URB1: variants seen among roughly 807,000 people sequenced by gnomAD.
URB1 encodes URB1 ribosome biogenesis factor.
Under a neutral mutation model 242.3 loss-of-function variants are expected in URB1, and 197 were observed. That is an observed-to-expected ratio of 0.81 (90% CI 0.72 to 0.91). URB1 has a LOEUF of 0.91. URB1 is among the 40% of genes least tolerant of loss of function. The probability of loss-of-function intolerance (pLI) is 0.00; values close to 1 mark genes in which losing one functional copy is unlikely to be tolerated. For missense variants in URB1, 2,721 were observed against 2,860.5 expected (o/e 0.95, Z 1.11); for synonymous variants, 1,153 against 1,201.8 (o/e 0.96, Z 0.84).
rs532353015 is a variant in URB1, at chr21:32,376,644, T to C, written c.665-1161A>G. ...TTGAAATCATTAAGTGCAGCATGTT[T>C]TTTTTCTTTTTGAGACAGGGCCTCC... On this transcript the variant is annotated intron_variant, in intron 5 of 38. Coordinates refer to ENST00000382751, the MANE Select transcript of URB1 (RefSeq NM_014825.3). 1.6e-3 allele frequency among the ~76,000 whole-genome samples: 245 copies of C among 152,260 alleles called. 1 individual carries two copies. Among genetic ancestry groups the C allele is most frequent in the African/African-American group, 5.4e-3 (226 of 41,548 alleles).
intron 18 of URB1, 92 bp from the exon 19 acceptor site, chr21:32,352,998 A>G (rs2033175899): frequency 7.3e-7 from 1 of 1,364,822 alleles, no homozygotes; most frequent in East Asian, 2.5e-5. Flanking sequence ...TACAGGCAAG[A>G]CCCTGAAAAA....
intron 37 of URB1, among the ~76,000 whole-genome samples, 167 bp downstream of exon 37, chr21:32,317,507 ACT>A (rs2032706265): frequency 6.6e-6 from 1 of 152,170 alleles, no homozygotes; most frequent in Non-Finnish European, 1.5e-5. Context: ...CTGGGCTGAA[ACT>A]CAAAGGCTGC....
At chr21:32,371,397 T>C (rs2033404434) in intron 8 of URB1, among the ~76,000 whole-genome samples, 1 of 152,150 alleles carries the variant, frequency 6.6e-6, no homozygotes, top group African/African-American at 2.4e-5. Context: ...AAAAATGCTT[T>C]AAAAAGGGGG....
intron 23 of URB1, 113 bp downstream of exon 23, chr21:32,345,261 T>C: frequency 2.5e-6 from 3 of 1,188,750 alleles, no homozygotes; most frequent in Non-Finnish European, 3.6e-6. Context: ...AACTGCCTGA[T>C]CACAGATGGG....
Position 32,361,879 on chromosome 21 carries a change from C to T in URB1, c.1639+13G>A. On this transcript the variant is annotated intron_variant, in intron 12 of 38. Coordinates refer to ENST00000382751, the MANE Select transcript of URB1 (RefSeq NM_014825.3). ...CAAAAGGCAGAGGGTCCCCCTCACCCCTGAGACCTTACCGCACTGGTGAGC... is the reference window on the plus strand; with the variant it reads ...CAAAAGGCAGAGGGTCCCCCTCACCTCTGAGACCTTACCGCACTGGTGAGC... The T allele has an allele frequency of 6.5e-7, 1 of 1,550,356 alleles. No individual in the cohort carries two copies. Among genetic ancestry groups the T allele is most frequent in the Non-Finnish European group, 8.7e-7 (1 of 1,146,628 alleles).
chr21:32,349,663 G>A (rs2033134251), intron 20 of URB1, among the ~76,000 whole-genome samples, 180 bp from the exon 21 acceptor site: 1 of 152,210 alleles, frequency 6.6e-6, no homozygotes, highest in Middle Eastern at 3.2e-3. Context: ...TAAGAGATGT[G>A]TCTTCCTAAG....
intron 5 of URB1, chr21:32,377,104 TA>T: frequency 2.0e-6 from 1 of 496,012 alleles, no homozygotes; most frequent in Non-Finnish European, 4.0e-6. Context: ...CTCACATCTT[TA>T]ATTATTTCAC....
In URB1 at chr21:32,311,933, C is replaced by T. The variant is rs766368326; in HGVS notation, c.*2985G>A. On this transcript the variant is annotated 3_prime_UTR_variant, in exon 39 of 39. Transcript: ENST00000382751. ...GGGAACTGACCCTCAATGGGGGTCC[C>T]CTCGTCAGGAGCAAGCCCAGCGAGC... 4 of 1,613,710 alleles carry T rather than the reference C, an allele frequency of 2.5e-6. No individual in the cohort carries two copies. Among genetic ancestry groups the T allele is most frequent in the Non-Finnish European group, 3.4e-6 (4 of 1,180,030 alleles).
chr21:32,350,626 T>C, intron 20 of URB1, 78 bp downstream of exon 20: 1 of 1,477,194 alleles, frequency 6.8e-7, no homozygotes. Context: ...TGTGCTGGGC[T>C]GTGGGCCCGA....
intron 12 of URB1, 114 bp downstream of exon 12, chr21:32,361,778 G>T: frequency 7.2e-7 from 1 of 1,395,680 alleles, no homozygotes; most frequent in Non-Finnish European, 9.5e-7. Context: ...AGCCAGAGGT[G>T]CCTTGAAACA....
chr21:32,345,240 G>A (rs1282053605), intron 23 of URB1, 134 bp downstream of exon 23: 1 of 989,596 alleles, frequency 1.0e-6, no homozygotes, highest in Non-Finnish European at 1.5e-6. Flanking sequence ...TGGAAGTAGA[G>A]TTCTCATAGG....
At chr21:32,359,193 T>C (rs1167693176) in intron 14 of URB1, among the ~76,000 whole-genome samples, 1 of 152,202 alleles carries the variant, frequency 6.6e-6, no homozygotes, top group African/African-American at 2.4e-5. Flanking sequence ...ACTTGGACAA[T>C]GATTAATTTT....
At chr21:32,349,582 G>T in intron 20 of URB1, 99 bp from the exon 21 acceptor site, 2 of 1,311,774 alleles carry the variant, frequency 1.5e-6, no homozygotes, top group Non-Finnish European at 2.0e-6. Flanking sequence ...AGGAGACTCG[G>T]GAGGCAGGCT....
chr21:32,335,679 G>A (rs1475785976), intron 28 of URB1: 1 of 152,406 alleles, frequency 6.6e-6, no homozygotes, highest in Non-Finnish European at 1.5e-5. Context: ...CTGGCAGGCA[G>A]AGAGCCCATG....
chr21:32,323,153 C>T (rs778790545), intron 32 of URB1, among the ~76,000 whole-genome samples: 1 of 152,346 alleles, frequency 6.6e-6, no homozygotes, highest in Non-Finnish European at 1.5e-5. Context: ...GTGTGGGACA[C>T]AGCCACACCC....
chr21:32,317,612 G>A (rs2032707420), intron 37 of URB1, 64 bp downstream of exon 37: 1 of 1,523,896 alleles, frequency 6.6e-7, no homozygotes, highest in Non-Finnish European at 8.8e-7. Context: ...GAGAGAGGGA[G>A]GGACGGACAG....
chr21:32,351,906 C>T (rs1044126352), intron 19 of URB1, among the ~76,000 whole-genome samples: 19 of 152,322 alleles, frequency 1.2e-4, no homozygotes, highest in African/African-American at 3.4e-4. Context: ...GTGTTGGAAC[C>T]GCTCTGGGCC....
In URB1 at chr21:32,372,628, A is replaced by C. The variant is rs1390657949; in HGVS notation, c.880T>G (p.Ser294Ala). Residue 294 changes from serine to alanine, a missense_variant, in exon 8 of 39, where the codon TCT becomes GCT. Physicochemically the swap from Ser to Ala is moderately conservative, Grantham distance 99. Coordinates refer to ENST00000382751, the MANE Select transcript of URB1 (RefSeq NM_014825.3). ...TDVNPENVKV[S>A]AEEAGKTMVR... is the part of the protein sequence containing the mutation. ...ATGGTTTTCCCTGCTTCTTCGGCAG[A>C]AACCTATGAAGATTTTTTAAAAATT... is the stretch of plus-strand genomic sequence containing the variant. 3 of 1,548,410 alleles carry C rather than the reference A, an allele frequency of 1.9e-6. No individual in the cohort carries two copies. The Admixed American group carries it at 6.0e-5, about 31-fold the overall frequency.
In URB1 at chr21:32,361,955, C is replaced by T. The variant is rs773602911; in HGVS notation, c.1576G>A (p.Asp526Asn). Reference protein sequence around the residue: ...QSLKKQETKQDDKKGQKRSDG... With the variant: ...QSLKKQETKQNDKKGQKRSDG... ...CTCCTTTTCTGCCCTTTCTTGTCAT[C>T]CTGTTTGGTCTCTTGCTTTTTAAGT... The change falls in exon 12 of 39, where the codon GAT (aspartate) becomes AAT (asparagine). Residue 526 changes from aspartate (D) to asparagine (N), a missense_variant. Transcript: ENST00000382751. 1.6e-4 allele frequency: 242 copies of T among 1,551,482 alleles called. 1 individual carries two copies. The highest frequency in any genetic ancestry group is 4.4e-6 in the Non-Finnish European group (5 of 1,146,896).
Sources: gnomAD v4.1 joint callset for allele counts (sites outside exome capture counted in the v4.1 genomes callset) on GRCh38, gnomAD v4.1.1 for gene constraint, MANE v1.5 for transcripts, NCBI Gene and HGNC (gene_info 2026-07-23, HGNC 2026-07-21) for gene names.